The following SSBP3 variants were observed in gnomAD, a reference collection of about 807,000 sequenced individuals.
SSBP3 encodes the protein single-stranded DNA-binding protein 3.
Under a neutral mutation model 69.6 loss-of-function variants are expected in SSBP3, and 5 were observed. That is an observed-to-expected ratio of 0.07 (90% confidence interval 0.04 to 0.15). SSBP3 has a LOEUF of 0.15. Ranked by LOEUF, SSBP3 falls within the 10% of genes least tolerant of loss-of-function variation. The pLI, the probability that SSBP3 is intolerant of heterozygous loss-of-function variation, is 1.00. For missense variants in SSBP3, 312 were observed against 534.0 expected (o/e 0.58, Z 4.10); for synonymous variants, 196 against 193.4 (o/e 1.01, Z -0.11).
chr1:54,243,997 A>G lies in SSBP3; in HGVS notation c.652-698T>C, dbSNP rs889540786. 1.2e-4 allele frequency among the ~76,000 whole-genome samples: 19 copies of G among 152,324 alleles called. No individual in the cohort carries two copies. The South Asian group carries it at 3.5e-3, about 28-fold the overall frequency. On this transcript the variant is annotated intron_variant, in intron 9 of 17. Transcript: ENST00000610401. ...TAGGCTAGAGTGCAGTAGTGCAATCATAACTCACTGCAGCCTTGACCTCCT... is the reference window on the plus strand; with the variant it reads ...TAGGCTAGAGTGCAGTAGTGCAATCGTAACTCACTGCAGCCTTGACCTCCT...
chr1:54,313,220 T>C (rs1010807584), intron 4 of SSBP3, among the ~76,000 whole-genome samples: 4 of 151,796 alleles, frequency 2.6e-5, no homozygotes, highest in Non-Finnish European at 5.9e-5. Flanking sequence ...CCAATCGGGG[T>C]AATCAATCCT....
chr1:54,403,694 A>C (rs1649470162), intron 3 of SSBP3, among the ~76,000 whole-genome samples: 1 of 152,226 alleles, frequency 6.6e-6, no homozygotes, highest in Admixed American at 6.5e-5. Context: ...GAGACAGGAC[A>C]CACCGTTTTG....
chr1:54,278,386 G>A (rs1236662340), intron 5 of SSBP3, among the ~76,000 whole-genome samples: 2 of 151,794 alleles, frequency 1.3e-5, no homozygotes, highest in Admixed American at 6.6e-5. Flanking sequence ...CTCCCTGCCA[G>A]CCCTTAACTT....
At chr1:54,365,244 G>A (rs760124337) in intron 4 of SSBP3, among the ~76,000 whole-genome samples, 11 of 152,192 alleles carry the variant, frequency 7.2e-5, no homozygotes, top group African/African-American at 1.2e-4. Context: ...ATCTAAGAGC[G>A]AGGGCATCAC....
intron 4 of SSBP3, among the ~76,000 whole-genome samples, chr1:54,368,338 G>C (rs1007180138): frequency 5.3e-5 from 8 of 151,040 alleles, no homozygotes; most frequent in Non-Finnish European, 1.2e-4. Context: ...AGGGACCCAT[G>C]GGAGCCCTTC....
chr1:54,313,455 T>C (rs12047166), intron 4 of SSBP3, among the ~76,000 whole-genome samples: 26,452 of 137,636 alleles, frequency 0.19, 1,704 homozygotes, highest in East Asian at 0.35. Context: ...TTTTTTTTTT[T>C]TTTTTTCTTT....
chr1:54,233,170 G>A (rs1644412970), intron 14 of SSBP3, among the ~76,000 whole-genome samples: 1 of 151,800 alleles, frequency 6.6e-6, no homozygotes, highest in Non-Finnish European at 1.5e-5. Context: ...CATCTAGGAA[G>A]TGAGGAGCGT....
chr1:54,240,091 C>CGTGTGT (rs1557448807), intron 13 of SSBP3, among the ~76,000 whole-genome samples: 1 of 33,836 alleles, frequency 3.0e-5, no homozygotes, highest in African/African-American at 1.9e-4. Context: ...TGTGTGTGCG[C>CGTGTGT]GCGCGCGCGT....
rs533534887 is a variant in SSBP3, at chr1:54,228,565, G to A, written c.1007-88C>T. 29 of 1,574,956 alleles carry A rather than the reference G, an allele frequency of 1.8e-5. No individual in the cohort carries two copies. The African/African-American group carries it at 2.8e-4, about 15-fold the overall frequency. On this transcript the variant is annotated intron_variant, in intron 15 of 17. Transcript: ENST00000610401. ...CGTCCTGGGCTCCTCGGGCCTCTAA[G>A]CCCTTCCATCCCAGTCCCACACTGT...
At chr1:54,257,246 A>G in intron 6 of SSBP3, 60 bp from the exon 7 acceptor site, 1 of 1,431,030 alleles carries the variant, frequency 7.0e-7, no homozygotes, top group African/African-American at 1.5e-5. Context: ...GACAAACACA[A>G]ATGCTCTCCA....
In SSBP3 at chr1:54,276,608, C is replaced by CAAAAAAAAAAAAAAA. The variant is rs746933473; in HGVS notation, c.366+4815_366+4829dup. On this transcript the variant is annotated intron_variant, in intron 5 of 17. Transcript: ENST00000610401. ...TGGGTGACAGAGTGAGACTCTGTCT[C>CAAAAAAAAAAAAAAA]AAAAAAAAAAAAAAAAAAAAAAAAA... 3.7e-4 allele frequency among the ~76,000 whole-genome samples: 13 copies of CAAAAAAAAAAAAAAA among 35,212 alleles called. 1 individual carries two copies. Among genetic ancestry groups the CAAAAAAAAAAAAAAA allele is most frequent in the African/African-American group, 1.9e-3 (13 of 6,692 alleles). The allele number at this position is 35,212 out of a possible 152,430, so 23.1% of individuals were successfully genotyped here. A position where few individuals can be genotyped will look rare whatever the true frequency, so the allele number is the denominator to read the frequency against.
At chr1:54,364,762 C>G (rs1293408875) in intron 4 of SSBP3, among the ~76,000 whole-genome samples, 1 of 152,154 alleles carries the variant, frequency 6.6e-6, no homozygotes, top group Non-Finnish European at 1.5e-5. Flanking sequence ...CTCTCCCTGC[C>G]CAGACTATGG....
upstream of SSBP3, among the ~76,000 whole-genome samples, chr1:54,410,191 C>G (rs2100848817): frequency 6.6e-6 from 1 of 152,304 alleles, no homozygotes; most frequent in East Asian, 1.9e-4. Context: ...GCAGGACATG[C>G]AAGTGAGGTG....
intron 4 of SSBP3, among the ~76,000 whole-genome samples, chr1:54,297,486 C>T (rs1349709995): frequency 1.3e-5 from 2 of 152,136 alleles, no homozygotes; most frequent in Admixed American, 1.3e-4. Context: ...CAAAAATTAG[C>T]CGGGCGTGGT....
At chr1:54,228,876 C>T in intron 14 of SSBP3, 50 bp from the exon 15 acceptor site, 1 of 1,569,840 alleles carries the variant, frequency 6.4e-7, no homozygotes, top group Non-Finnish European at 8.7e-7. Flanking sequence ...TGGCCCTCTG[C>T]ACCCCTCACA....
In SSBP3 at chr1:54,274,309, T is replaced by C. The variant is rs573982726; in HGVS notation, c.366+7129A>G. ...TCTATACAGTGGGAATGCTATTGGT[T>C]CTTAGGACTATCTCATAGAATCAAA... On this transcript the variant is annotated intron_variant, in intron 5 of 17. Coordinates refer to ENST00000610401, the Ensembl canonical transcript of SSBP3. Among the ~76,000 whole-genome samples the C allele has an allele frequency of 1.5e-3, 225 of 152,322 alleles. 1 individual carries two copies. The highest frequency in any genetic ancestry group is 2.6e-3 in the Non-Finnish European group (179 of 68,028).
At chr1:54,263,649 T>C (rs1645052650) in intron 5 of SSBP3, among the ~76,000 whole-genome samples, 1 of 152,202 alleles carries the variant, frequency 6.6e-6, no homozygotes, top group South Asian at 2.1e-4. Context: ...TCATGAAGGC[T>C]TTCCTGCTCC....
intron 4 of SSBP3, among the ~76,000 whole-genome samples, chr1:54,334,593 C>T (rs1646477027): frequency 1.3e-5 from 2 of 152,176 alleles, no homozygotes; most frequent in Admixed American, 1.3e-4. Context: ...TTAACCTCTC[C>T]AAGCCAGGGT....
chr1:54,327,441 G>C (rs984047009), intron 4 of SSBP3, among the ~76,000 whole-genome samples: 3 of 152,068 alleles, frequency 2.0e-5, no homozygotes, highest in Non-Finnish European at 4.4e-5. Flanking sequence ...GCAATCTGCC[G>C]CCCTGCCTGC....
Sources: gnomAD v4.1 joint callset for allele counts (sites outside exome capture counted in the v4.1 genomes callset) on GRCh38, gnomAD v4.1.1 for gene constraint, MANE v1.5 for transcripts, NCBI Gene and HGNC (gene_info 2026-07-23, HGNC 2026-07-21) for gene names.